The following SDK1 variants were observed in gnomAD, a reference collection of about 807,000 sequenced individuals.
SDK1 encodes the protein protein sidekick-1.
A neutral mutation model predicts 245.5 loss-of-function variants in SDK1; 157 were observed. The observed-to-expected ratio is 0.64, with a 90% CI of 0.56 to 0.73. The LOEUF is 0.73. Among genes scored for constraint, SDK1 ranks in the 30% least tolerant of loss-of-function variants. The pLI, the probability that SDK1 is intolerant of heterozygous loss-of-function variation, is 0.00. For missense variants in SDK1, 3,583 were observed against 3,002.3 expected (o/e 1.19, Z -4.52); for synonymous variants, 1,647 against 1,278.5 (o/e 1.29, Z -6.15).
At chr7:4,112,143 C>G (rs1187492630) in intron 23 of SDK1, among the ~76,000 whole-genome samples, 1 of 152,168 alleles carries the variant, frequency 6.6e-6, no homozygotes, top group African/African-American at 2.4e-5. Context: ...TTTAGGGAGA[C>G]ATGAGACATC....
intron 1 of SDK1, among the ~76,000 whole-genome samples, chr7:3,569,660 C>T (rs1331040414): frequency 6.6e-6 from 1 of 152,220 alleles, no homozygotes; most frequent in African/African-American, 2.4e-5. Flanking sequence ...AGCAGACCCT[C>T]AGGAAGTGGC....
chr7:3,517,775 G>A (rs1782799750), intron 1 of SDK1, among the ~76,000 whole-genome samples: 1 of 152,150 alleles, frequency 6.6e-6, no homozygotes, highest in South Asian at 2.1e-4. Context: ...CACAGGTAAA[G>A]AATTGCCTGT....
At position 4,221,271 on chromosome 7, in the gene SDK1, A is replaced by G. The variant is rs1584477440; in HGVS notation, c.5734A>G (p.Thr1912Ala). 6.2e-7 allele frequency: 1 copy of G among 1,613,812 alleles called. No individual in the cohort carries two copies. Among genetic ancestry groups the G allele is most frequent in the Non-Finnish European group, 8.5e-7 (1 of 1,179,986 alleles). Residue 1912 changes from threonine (T) to alanine (A), a missense_variant, in exon 40 of 45, where the codon ACC becomes GCC. By Grantham distance (58) the Thr-to-Ala change is moderately conservative. Coordinates refer to ENST00000404826, the MANE Select transcript of SDK1 (RefSeq NM_152744.4). Reference protein sequence around the residue: ...SPGSPRDVLVTKSASELTLQW... With the variant: ...SPGSPRDVLVAKSASELTLQW... ...GGGCTCGCCTAGAGATGTCCTGGTC[A>G]CCAAGTCCGCCTCTGAACTGACGCT...
chr7:4,206,223 C>T (rs952643678), intron 36 of SDK1, among the ~76,000 whole-genome samples: 1 of 152,200 alleles, frequency 6.6e-6, no homozygotes, highest in Non-Finnish European at 1.5e-5. Flanking sequence ...CTGTGCCCAC[C>T]ACAAAACAAC....
At position 3,969,360 on chromosome 7, in the gene SDK1, C is replaced by G; in HGVS notation, c.1650C>G (p.Asn550Lys). ...CCGTCTTCATCCAGGATGCCGGCAA[C>G]TACACCTGCTATGCGGCCAACACAG... ...IAPVFIQDAG[N>K]YTCYAANTEG... Residue 550 changes from asparagine (N) to lysine (K), a missense_variant, in exon 11 of 45, where the codon AAC becomes AAG. Coordinates refer to ENST00000404826, the MANE Select transcript of SDK1 (RefSeq NM_152744.4). 1.2e-6 allele frequency: 2 copies of G among 1,611,530 alleles called. No homozygotes were observed. The highest frequency in any genetic ancestry group is 2.2e-5 in the East Asian group (1 of 44,796).
At chr7:4,178,617 CAG>C in intron 35 of SDK1, 31 bp downstream of exon 35, 1 of 1,492,498 alleles carries the variant, frequency 6.7e-7, no homozygotes, top group Non-Finnish European at 9.3e-7. Context: ...ACCCCACTGC[CAG>C]AGAGGGCCAC....
At chr7:3,605,806 T>C (rs1043182875) in intron 1 of SDK1, among the ~76,000 whole-genome samples, 2 of 152,308 alleles carry the variant, frequency 1.3e-5, no homozygotes, top group South Asian at 2.1e-4. Flanking sequence ...GTTTTTGAAA[T>C]AGTCTAGGAC....
At chr7:3,695,803 T>G (rs1529661) in intron 4 of SDK1, among the ~76,000 whole-genome samples, 121,389 of 152,102 alleles carry the variant, frequency 0.8, 48,544 homozygotes, top group Non-Finnish European at 0.82. Flanking sequence ...AGCCTGTATG[T>G]GCAGTAGAGG....
intron 14 of SDK1, among the ~76,000 whole-genome samples, chr7:3,996,043 T>A (rs981596252): frequency 6.6e-6 from 1 of 152,162 alleles, no homozygotes; most frequent in Non-Finnish European, 1.5e-5. Flanking sequence ...AAAGGTTTAA[T>A]TTTTAATATA....
At chr7:3,778,869 C>T (rs556249270) in intron 4 of SDK1, among the ~76,000 whole-genome samples, 33 of 152,316 alleles carry the variant, frequency 2.2e-4, no homozygotes, top group Non-Finnish European at 3.8e-4. Flanking sequence ...TAAAACACTA[C>T]TCAGGTGGGA....
intron 22 of SDK1, among the ~76,000 whole-genome samples, chr7:4,083,068 TA>T (rs745542409): frequency 1.3e-4 from 20 of 151,882 alleles, no homozygotes; most frequent in South Asian, 4.2e-4. Flanking sequence ...CTCAAATTGT[TA>T]AAAAAAAATG....
chr7:3,989,457 ATTTATTCCAGATGAGGGTCTCCT>A (rs1431277248), intron 14 of SDK1, among the ~76,000 whole-genome samples: 8 of 152,132 alleles, frequency 5.3e-5, no homozygotes, highest in Admixed American at 5.2e-4. Flanking sequence ...ATCACCCATC[ATTTATTCCAGATGAGGGTCTCCT>A]TCCCTGAGCC....
rs1361826699 is a variant in SDK1, at chr7:4,268,792, T to A, written c.*3408T>A. 2.1e-5 allele frequency: 28 copies of A among 1,341,100 alleles called. No homozygotes were observed. The highest frequency in any genetic ancestry group is 2.7e-5 in the Non-Finnish European group (27 of 997,880). 83.1% of individuals were successfully genotyped at this position (1,341,100 alleles called of 1,614,324 possible). A position where few individuals can be genotyped will look rare whatever the true frequency, so the allele number is the denominator to read the frequency against. On this transcript the variant is annotated 3_prime_UTR_variant, in exon 45 of 45. Transcript: ENST00000404826. ...AAGGTGAGGACAACGTGGAAACTCA[T>A]GAGCTGAGCCTGCCCGCTGGGACAC...
intron 2 of SDK1, among the ~76,000 whole-genome samples, chr7:3,635,704 CCTTTT>C (rs562816737): frequency 2.3e-3 from 345 of 152,080 alleles, no homozygotes; most frequent in African/African-American, 7.7e-3. Context: ...TATTTGAGCT[CCTTTT>C]CTTTTCTTTT....
chr7:4,216,964 C>T (rs1316077369), intron 38 of SDK1, among the ~76,000 whole-genome samples: 1 of 150,736 alleles, frequency 6.6e-6, no homozygotes, highest in Non-Finnish European at 1.5e-5. Context: ...TTGTCCAGAG[C>T]ACCAGGCCAC....
In SDK1 at chr7:4,130,466, C is replaced by T. The variant is rs116179989; in HGVS notation, c.4129+369C>T. The T allele has an allele frequency of 4.1e-3, 926 of 227,804 alleles. 7 individuals carry two copies. The highest frequency in any genetic ancestry group is 0.015 in the African/African-American group (639 of 43,660). 14.1% of individuals were successfully genotyped at this position (227,804 alleles called of 1,614,324 possible). On this transcript the variant is annotated intron_variant, in intron 27 of 44. Coordinates refer to ENST00000404826, the MANE Select transcript of SDK1 (RefSeq NM_152744.4). The stretch of plus-strand genomic sequence containing the variant: ...TGCCCCCTTATCTGGCAACACATCC[C>T]AGGACCCCAGGGAATGCCTGAAACT...
chr7:3,452,249 C>T (rs1427111495), intron 1 of SDK1, among the ~76,000 whole-genome samples: 1 of 152,094 alleles, frequency 6.6e-6, no homozygotes, highest in South Asian at 2.1e-4. Flanking sequence ...CTCAAGGACT[C>T]TAGGATGGTG....
chr7:3,564,470 CAGAG>C (rs1234021211), intron 1 of SDK1, among the ~76,000 whole-genome samples: 5 of 151,730 alleles, frequency 3.3e-5, no homozygotes, highest in Non-Finnish European at 7.4e-5. Context: ...TCTTGGGTGA[CAGAG>C]GGAGACTCTC....
At chr7:4,164,862 C>T (rs1272369206) in intron 32 of SDK1, among the ~76,000 whole-genome samples, 1 of 152,178 alleles carries the variant, frequency 6.6e-6, no homozygotes, top group East Asian at 1.9e-4. Flanking sequence ...GCAAGAAGAC[C>T]AGAGCAGGAG....
Sources: gnomAD v4.1 joint callset for allele counts (sites outside exome capture counted in the v4.1 genomes callset) on GRCh38, gnomAD v4.1.1 for gene constraint, MANE v1.5 for transcripts, NCBI Gene and HGNC (gene_info 2026-07-23, HGNC 2026-07-21) for gene names.